The following HSF2BP variants were observed in gnomAD, a reference collection of about 807,000 sequenced individuals.
HSF2BP encodes heat shock factor 2-binding protein.
In HSF2BP, 35 loss-of-function variants were observed where a neutral mutation model predicts 35.0. The ratio of observed to expected loss-of-function variants is 1.00; its 90% CI spans 0.76 to 1.32. The LOEUF is 1.32. Ranked by LOEUF, HSF2BP falls within the 40% of genes most tolerant of loss-of-function variation. HSF2BP has a pLI of 0.00. For missense variants in HSF2BP, 326 were observed against 321.7 expected (o/e 1.01, Z -0.10); for synonymous variants, 114 against 117.4 (o/e 0.97, Z 0.18).
intron 8 of HSF2BP, among the ~76,000 whole-genome samples, chr21:43,585,053 T>C (rs1406115703): frequency 2.0e-5 from 3 of 151,524 alleles, no homozygotes; most frequent in Non-Finnish European, 4.4e-5. Flanking sequence ...ACACCTGTAA[T>C]CCCAGCACTT....
At chr21:43,640,628 C>T (rs1033559259) in intron 4 of HSF2BP, among the ~76,000 whole-genome samples, 4 of 152,138 alleles carry the variant, frequency 2.6e-5, no homozygotes, top group Non-Finnish European at 4.4e-5. Flanking sequence ...GTACCAATTC[C>T]AATTTCCTGG....
chr21:43,641,968 T>C (rs1246778585), intron 4 of HSF2BP, among the ~76,000 whole-genome samples: 6 of 149,968 alleles, frequency 4.0e-5, no homozygotes, highest in Admixed American at 2.7e-4. Context: ...GAGGATCTAG[T>C]CTCTGGATTC....
chr21:43,467,653 G>C, the HSF2BP span, among the ~76,000 whole-genome samples: 2 of 151,410 alleles, frequency 1.3e-5, no homozygotes, highest in African/African-American at 2.4e-5. Context: ...GAGCCCTTCC[G>C]CAAGGATGGG....
chr21:43,630,284 G>C (rs1411044809), intron 6 of HSF2BP, 38 bp downstream of exon 6: 1 of 1,569,182 alleles, frequency 6.4e-7, no homozygotes. Context: ...TGGTCTGGAA[G>C]CAAACAGGCA....
rs1206716914 is a variant in HSF2BP at position 43,656,601 on chromosome 21, T to C, written c.173A>G (p.Lys58Arg). The change falls in exon 3 of 9, where the codon AAG becomes AGG. Residue 58 changes from lysine (K) to arginine (R), a missense_variant. By Grantham distance (26) the Lys-to-Arg change is conservative (BLOSUM62 2). Transcript: ENST00000291560. ...GEVLESFQKL[K>R]IVEKNLERKE... ...TGAAGACTCACTTTTTTCTACAATC[T>C]TTAATTTCTGGAAGCTCTCCAGCAC... is the stretch of plus-strand genomic sequence containing the variant. 1 of 1,606,560 alleles carries C rather than the reference T, an allele frequency of 6.2e-7. No homozygotes were observed. The highest frequency in any genetic ancestry group is 8.5e-7 in the Non-Finnish European group (1 of 1,178,336).
intron 6 of HSF2BP, among the ~76,000 whole-genome samples, chr21:43,628,260 G>A (rs2082413095): frequency 6.6e-6 from 1 of 152,220 alleles, no homozygotes; most frequent in Non-Finnish European, 1.5e-5. Context: ...GTGCCAAACA[G>A]CCAAGTTATG....
chr21:43,621,627 G>A lies in HSF2BP; in HGVS notation c.575-7680C>T, dbSNP rs574268996. On this transcript the variant is annotated intron_variant, in intron 6 of 8. Coordinates refer to ENST00000291560, the MANE Select transcript of HSF2BP (RefSeq NM_007031.2). ...AAAGAAAACACTATATAAGAATATC[G>A]TATCCAGCAAAGCCATCCTTCAAAT... Among the ~76,000 whole-genome samples, 11 of 151,858 alleles carry A rather than the reference G, an allele frequency of 7.2e-5. No individual in the cohort carries two copies. In the East Asian group the frequency reaches 1.7e-3, roughly 24 times the overall value.
At position 43,659,352 on chromosome 21, in the gene HSF2BP, G is replaced by A; in HGVS notation, c.-225+34C>T. ...CTAGACCGTTTACAAACAGCCTTCC[G>A]TCTCTTCCTGGTCAAGTCCTAACCC... On this transcript the variant is annotated intron_variant, in intron 1 of 8. Coordinates refer to ENST00000291560, the MANE Select transcript of HSF2BP (RefSeq NM_007031.2). The surrounding 1 kb of genome is among the most constrained non-coding windows in gnomAD (Gnocchi z 4.2). The A allele has an allele frequency of 6.0e-6, 1 of 168,062 alleles. No individual in the cohort carries two copies. The highest frequency in any genetic ancestry group is 1.3e-5 in the Non-Finnish European group (1 of 78,446). 10.4% of individuals were successfully genotyped at this position (168,062 alleles called of 1,614,324 possible).
chr21:43,496,153 TACAC>T, the HSF2BP span, among the ~76,000 whole-genome samples: 2 of 130,084 alleles, frequency 1.5e-5, 1 homozygote, highest in Non-Finnish European at 3.4e-5. Context: ...AACTAAAGAT[TACAC>T]ACACACACAC....
intron 6 of HSF2BP, among the ~76,000 whole-genome samples, chr21:43,627,178 C>T (rs1601690489): frequency 6.6e-6 from 1 of 152,158 alleles, no homozygotes; most frequent in East Asian, 1.9e-4. Flanking sequence ...TGCTTCTATA[C>T]TGAGAAATTA....
At chr21:43,587,114 G>C (rs1468504964) in intron 8 of HSF2BP, among the ~76,000 whole-genome samples, 1 of 152,098 alleles carries the variant, frequency 6.6e-6, no homozygotes, top group Non-Finnish European at 1.5e-5. Context: ...AACTATTTTT[G>C]TTCCTATTTT....
intron 3 of HSF2BP, among the ~76,000 whole-genome samples, chr21:43,652,158 T>G (rs1012940442): frequency 6.6e-6 from 1 of 152,158 alleles, no homozygotes; most frequent in Non-Finnish European, 1.5e-5. Context: ...ATTCCAGCAC[T>G]TTGGGAGGCC....
At position 43,656,748 on chromosome 21, in the gene HSF2BP, A is replaced by T; in HGVS notation, c.37-11T>A. 2 of 1,601,044 alleles carry T rather than the reference A, an allele frequency of 1.2e-6. No individual in the cohort carries two copies. The highest frequency in any genetic ancestry group is 1.7e-6 in the Non-Finnish European group (2 of 1,176,208). On this transcript the variant is annotated splice_polypyrimidine_tract_variant and intron_variant, in intron 2 of 8. Coordinates refer to ENST00000291560, the MANE Select transcript of HSF2BP (RefSeq NM_007031.2). ...TTTAGTTCCCATGTGCTAAAAGAAC[A>T]AGCAGATCTTATTATATTTCTCTTC...
At chr21:43,582,531 A>T (rs1447179289) in intron 8 of HSF2BP, among the ~76,000 whole-genome samples, 2 of 68,040 alleles carry the variant, frequency 2.9e-5, no homozygotes, top group Non-Finnish European at 5.6e-5. Context: ...GGGCCTGCTG[A>T]GGGAGATGAG....
At chr21:43,584,546 A>T (rs746196598) in intron 8 of HSF2BP, among the ~76,000 whole-genome samples, 4 of 152,158 alleles carry the variant, frequency 2.6e-5, no homozygotes, top group Non-Finnish European at 5.9e-5. Flanking sequence ...TCATAGACAT[A>T]CCCAGAGTTA....
At chr21:43,586,595 C>T (rs2081854181) in intron 8 of HSF2BP, among the ~76,000 whole-genome samples, 1 of 151,958 alleles carries the variant, frequency 6.6e-6, no homozygotes, top group Non-Finnish European at 1.5e-5. Flanking sequence ...CATTAAGATC[C>T]TTGAGGTAGA....
intron 7 of HSF2BP, among the ~76,000 whole-genome samples, chr21:43,609,384 G>T (rs781717086): frequency 6.6e-6 from 1 of 152,032 alleles, no homozygotes; most frequent in African/African-American, 2.4e-5. Context: ...TTGGCATCAC[G>T]CAATATACTC....
At chr21:43,631,616 C>A (rs1000412788) in intron 5 of HSF2BP, among the ~76,000 whole-genome samples, 1 of 152,084 alleles carries the variant, frequency 6.6e-6, no homozygotes, top group Admixed American at 6.5e-5. Context: ...TAGGGAAAAT[C>A]CAGTCTTCCC....
At chr21:43,656,543 C>G (rs964508623) in intron 3 of HSF2BP, 44 bp downstream of exon 3, 4 of 1,570,252 alleles carry the variant, frequency 2.5e-6, no homozygotes, top group Non-Finnish European at 3.5e-6. Flanking sequence ...TCTGCTAGAA[C>G]AAATTACTGT....
Sources: allele counts gnomAD v4.1 joint callset (sites outside exome capture counted in the v4.1 genomes callset), GRCh38; gene constraint gnomAD v4.1.1; non-coding constraint Gnocchi (gnomAD v3.1); transcripts MANE v1.5; gene names NCBI Gene and HGNC (gene_info 2026-07-23, HGNC 2026-07-21).